The following TMEM45B variants were observed in gnomAD, a reference collection of about 807,000 sequenced individuals.
TMEM45B encodes the protein transmembrane protein 45B.
A neutral mutation model predicts 27.3 loss-of-function variants in TMEM45B; 29 were observed. That is an observed-to-expected ratio of 1.06 (90% confidence interval 0.79 to 1.45). TMEM45B has a LOEUF of 1.45. TMEM45B is among the 40% of genes most tolerant of loss of function. The pLI is 0.00. For missense variants in TMEM45B, 348 were observed against 343.9 expected, an observed-to-expected ratio of 1.01 and a Z score of -0.09; for synonymous variants, 143 against 134.7, an observed-to-expected ratio of 1.06 and a Z score of -0.43.
At chr11:129,832,324 C>T (rs1331822988) in intron 1 of TMEM45B, among the ~76,000 whole-genome samples, 3 of 151,992 alleles carry the variant, frequency 2.0e-5, no homozygotes, top group Non-Finnish European at 2.9e-5. Flanking sequence ...GAGCCGAGAT[C>T]GCACCACTGC....
intron 1 of TMEM45B, among the ~76,000 whole-genome samples, chr11:129,817,003 C>A (rs746471904): frequency 1.9e-4 from 29 of 151,848 alleles, no homozygotes; most frequent in Non-Finnish European, 3.1e-4. Context: ...GCCTCAGCCT[C>A]CCAAAGTGCT....
At chr11:129,848,015 C>T (rs7943987) in intron 1 of TMEM45B, among the ~76,000 whole-genome samples, 6 of 135,452 alleles carry the variant, frequency 4.4e-5, no homozygotes, top group Middle Eastern at 3.6e-3. Flanking sequence ...CGGGCAGAGA[C>T]GCTCCTCACT....
intron 2 of TMEM45B, 44 bp from the exon 3 acceptor site, chr11:129,854,566 G>C (rs990978383): frequency 6.3e-6 from 10 of 1,593,922 alleles, no homozygotes; most frequent in Non-Finnish European, 7.7e-6. Context: ...ATTTGTCTTA[G>C]AGCTACTCTT....
At chr11:129,838,125 G>C (rs888057308) in intron 1 of TMEM45B, among the ~76,000 whole-genome samples, 1 of 152,144 alleles carries the variant, frequency 6.6e-6, no homozygotes. Flanking sequence ...CTAAGAGGGA[G>C]TTAAGTGGGA....
At chr11:129,824,535 T>C (rs1324849024) in intron 1 of TMEM45B, among the ~76,000 whole-genome samples, 1 of 152,200 alleles carries the variant, frequency 6.6e-6, no homozygotes, top group Non-Finnish European at 1.5e-5. Context: ...CTAAGAATTG[T>C]ATGAAAATAG....
intron 1 of TMEM45B, 105 bp from the exon 2 acceptor site, chr11:129,852,370 T>A (rs558962958): frequency 9.0e-5 from 88 of 976,350 alleles, no homozygotes; most frequent in Middle Eastern, 2.2e-4. Context: ...CTTCTTAACG[T>A]GGCTTATGAT....
In TMEM45B at chr11:129,855,330, T is replaced by TC. The variant is rs1455659578; in HGVS notation, c.386-378_386-377insC. Among the ~76,000 whole-genome samples the TC allele has an allele frequency of 1.7e-3, 253 of 152,294 alleles. 1 individual carries two copies. Among genetic ancestry groups the TC allele is most frequent in the African/African-American group, 5.7e-3 (238 of 41,550 alleles). On this transcript the variant is annotated intron_variant, in intron 3 of 5. Transcript: ENST00000281441. Reference sequence around the variant, plus strand: ...GGAGCGCTGCCAGTATGACTCACACTGACTGGGGTATGAAAATACATTTTG... The same window carrying TC: ...GGAGCGCTGCCAGTATGACTCACACTCGACTGGGGTATGAAAATACATTTTG...
At position 129,844,901 on chromosome 11, in the gene TMEM45B, C is replaced by A. The variant is rs78263366; in HGVS notation, c.-8-7574C>A. On this transcript the variant is annotated intron_variant, in intron 1 of 5. Transcript: ENST00000281441. The stretch of plus-strand genomic sequence containing the variant: ...ATACAATTTTTATTTGTCAATTATA[C>A]CGCAATAAAGCTGAAAAAATATTAA... 5.3e-3 allele frequency among the ~76,000 whole-genome samples: 802 copies of A among 152,070 alleles called. 11 individuals carry two copies. The highest frequency in any genetic ancestry group is 0.019 in the African/African-American group (770 of 41,464).
At chr11:129,848,115 G>A (rs7944317) in intron 1 of TMEM45B, among the ~76,000 whole-genome samples, 109,948 of 147,230 alleles carry the variant, frequency 0.75, 41,572 homozygotes, top group African/African-American at 0.88. Context: ...CAGACGGGGT[G>A]GCGGCCGGGC....
At chr11:129,823,131 A>G (rs1337963400) in intron 1 of TMEM45B, among the ~76,000 whole-genome samples, 1 of 151,934 alleles carries the variant, frequency 6.6e-6, no homozygotes, top group Non-Finnish European at 1.5e-5. Flanking sequence ...GAGCCACCAC[A>G]CCCAGCCTGG....
chr11:129,840,415 A>T (rs1947675259), intron 1 of TMEM45B, among the ~76,000 whole-genome samples: 1 of 152,198 alleles, frequency 6.6e-6, no homozygotes, highest in Non-Finnish European at 1.5e-5. Context: ...AAAATGAGGA[A>T]GTGCAGGGAG....
chr11:129,838,752 C>T (rs535885083), intron 1 of TMEM45B, among the ~76,000 whole-genome samples: 14 of 152,252 alleles, frequency 9.2e-5, no homozygotes, highest in South Asian at 2.1e-4. Context: ...CTGGGAGCAA[C>T]GTAATGTTAG....
intron 1 of TMEM45B, among the ~76,000 whole-genome samples, chr11:129,834,344 T>C (rs1318272020): frequency 1.3e-5 from 2 of 151,722 alleles, no homozygotes; most frequent in African/African-American, 2.4e-5. Flanking sequence ...GGCAGAAGAA[T>C]TGCCTGAACC....
chr11:129,854,752 T>A lies in TMEM45B; in HGVS notation c.321T>A (p.Tyr107Ter). Reference sequence around the variant, plus strand: ...CAGGAATTGTTGACATGCTCACCTATCTGGTCAGCCACGTTCCCTTGGGGG... The same window carrying A: ...CAGGAATTGTTGACATGCTCACCTAACTGGTCAGCCACGTTCCCTTGGGGG... ...AVSGIVDMLT[Y>*]LVSHVPLGVD... Residue 107 changes from tyrosine (Y) to a stop codon, truncating the protein, a stop_gained, in exon 3 of 6, where the codon TAT becomes TAA. Transcript: ENST00000281441. LOFTEE classifies it high-confidence loss of function. 1 of 1,614,204 alleles carries A rather than the reference T, an allele frequency of 6.2e-7. No homozygotes were observed. The highest frequency in any genetic ancestry group is 8.5e-7 in the Non-Finnish European group (1 of 1,180,030).
rs1466881006 is a variant in TMEM45B at position 129,847,412 on chromosome 11, T to TTTTTTA, written c.-8-5059_-8-5058insTATTTT. 5.9e-5 allele frequency among the ~76,000 whole-genome samples: 9 copies of TTTTTTA among 151,608 alleles called. No homozygotes were observed. The East Asian group carries it at 1.8e-3, about 29-fold the overall frequency. On this transcript the variant is annotated intron_variant, in intron 1 of 5. Transcript: ENST00000281441. Reference sequence around the variant, plus strand: ...TTTTAAAAGCTTATGAAGTTATTTTTTTTTATTTTTTTTTATTGATCATTC... The same window carrying TTTTTTA: ...TTTTAAAAGCTTATGAAGTTATTTTTTTTTTATTTTATTTTTTTTTATTGATCATTC...
chr11:129,848,926 G>A (rs1358191836), intron 1 of TMEM45B, among the ~76,000 whole-genome samples: 1 of 152,108 alleles, frequency 6.6e-6, no homozygotes, highest in Non-Finnish European at 1.5e-5. Context: ...CACAAGGGAG[G>A]AACCTTCATG....
chr11:129,831,970 G>T (rs1478804527), intron 1 of TMEM45B, among the ~76,000 whole-genome samples: 1 of 150,994 alleles, frequency 6.6e-6, no homozygotes. Flanking sequence ...GGAGGCTGAG[G>T]CAGGAGAATC....
intron 3 of TMEM45B, among the ~76,000 whole-genome samples, chr11:129,855,119 A>C (rs1001870169): frequency 1.3e-5 from 2 of 152,174 alleles, no homozygotes; most frequent in African/African-American, 4.8e-5. Context: ...ACACACGTGC[A>C]TATTCCTCGG....
chr11:129,839,907 G>T (rs2135578403), intron 1 of TMEM45B, among the ~76,000 whole-genome samples: 1 of 152,210 alleles, frequency 6.6e-6, no homozygotes, highest in South Asian at 2.1e-4. Flanking sequence ...GTTGTATATT[G>T]CCCACACCAG....
Sources: gnomAD v4.1 joint callset for allele counts (sites outside exome capture counted in the v4.1 genomes callset) on GRCh38, gnomAD v4.1.1 for gene constraint, MANE v1.5 for transcripts, NCBI Gene and HGNC (gene_info 2026-07-23, HGNC 2026-07-21) for gene names.